Variants in CAMTA1 observed in about 807,000 individuals in gnomAD.
The protein encoded by CAMTA1 is calmodulin binding transcription activator 1, also known as calmodulin-binding transcription activator 1.
Under a neutral mutation model 170.9 loss-of-function variants are expected in CAMTA1, and 27 were observed. That is an observed-to-expected ratio of 0.16 (90% CI 0.12 to 0.22). The LOEUF is 0.22. Ranked by LOEUF, CAMTA1 falls within the 10% of genes least tolerant of loss-of-function variation. The probability of loss-of-function intolerance (pLI) is 1.00; values close to 1 mark genes in which losing one functional copy is unlikely to be tolerated. For synonymous variants in CAMTA1, 833 were observed against 891.5 expected (o/e 0.93, Z 1.17); for missense variants, 1,619 against 2,217.2 (o/e 0.73, Z 5.42).
chr1:6,993,973 T>A (rs1696788511), intron 3 of CAMTA1, among the ~76,000 whole-genome samples: 1 of 152,204 alleles, frequency 6.6e-6, no homozygotes, highest in Admixed American at 6.5e-5. Flanking sequence ...TGTTCATGCC[T>A]CTTTGCATGT....
intron 3 of CAMTA1, among the ~76,000 whole-genome samples, chr1:6,938,140 G>C (rs1685775595): frequency 6.6e-6 from 1 of 152,228 alleles, no homozygotes; most frequent in Non-Finnish European, 1.5e-5. Flanking sequence ...ATACAGTACT[G>C]TTAAGATTTT....
At chr1:6,962,001 C>G (rs922165141) in intron 3 of CAMTA1, among the ~76,000 whole-genome samples, 4 of 152,344 alleles carry the variant, frequency 2.6e-5, no homozygotes, top group Admixed American at 1.3e-4. Flanking sequence ...GTCCTTTGCC[C>G]TGTCGGGTCA....
At chr1:7,458,146 C>T (rs1321277014) in intron 5 of CAMTA1, among the ~76,000 whole-genome samples, 1 of 152,182 alleles carries the variant, frequency 6.6e-6, no homozygotes, top group Admixed American at 6.5e-5. Context: ...TCTTCAATCG[C>T]CTCCATCTCA....
chr1:7,356,124 T>C (rs1489304324), intron 5 of CAMTA1, among the ~76,000 whole-genome samples: 1 of 152,214 alleles, frequency 6.6e-6, no homozygotes, highest in Non-Finnish European at 1.5e-5. Flanking sequence ...GAGGGAGGCA[T>C]GGAAGCCCGA....
chr1:6,853,260 A>G (rs1166663843), intron 3 of CAMTA1: 1 of 152,234 alleles, frequency 6.6e-6, no homozygotes, highest in Non-Finnish European at 1.5e-5. Context: ...ATTTAAAAAT[A>G]TAGTAGTAGC....
At chr1:7,119,101 C>T (rs1644500717) in intron 4 of CAMTA1, among the ~76,000 whole-genome samples, 1 of 152,192 alleles carries the variant, frequency 6.6e-6, no homozygotes, top group Non-Finnish European at 1.5e-5. Context: ...ACAGAGCTCT[C>T]CAAGGACCCC....
At chr1:7,560,048 C>T (rs950579475) in intron 6 of CAMTA1, among the ~76,000 whole-genome samples, 1 of 152,188 alleles carries the variant, frequency 6.6e-6, no homozygotes, top group East Asian at 1.9e-4. Context: ...GACTCTGGGA[C>T]CCCAAGGCCC....
intron 6 of CAMTA1, among the ~76,000 whole-genome samples, chr1:7,624,333 G>T (rs114721413): frequency 1.1e-4 from 16 of 151,880 alleles, no homozygotes; most frequent in Non-Finnish European, 1.3e-4. Context: ...AGTGCCATCC[G>T]CCATGGTTCC....
At chr1:7,139,076 ATATT>A (rs1204438146) in intron 4 of CAMTA1, among the ~76,000 whole-genome samples, 5 of 144,264 alleles carry the variant, frequency 3.5e-5, no homozygotes, top group African/African-American at 7.5e-5. Flanking sequence ...TTGTTTATTT[ATATT>A]TATTTATTAT....
chr1:7,670,502 C>G (rs2096050060), intron 9 of CAMTA1, among the ~76,000 whole-genome samples: 2 of 152,230 alleles, frequency 1.3e-5, no homozygotes, highest in East Asian at 1.9e-4. Flanking sequence ...TTCCCTCAGT[C>G]TGTCCACAAG....
chr1:7,646,768 A>G (rs1180923355), intron 7 of CAMTA1, among the ~76,000 whole-genome samples: 1 of 142,874 alleles, frequency 7.0e-6, no homozygotes, highest in Non-Finnish European at 1.5e-5. Flanking sequence ...TGGAGGCCAC[A>G]GTGAGTTGGA....
At position 7,014,607 on chromosome 1, in the gene CAMTA1, G is replaced by A. The variant is rs1205821205; in HGVS notation, c.235-76697G>A. 1.3e-5 allele frequency among the ~76,000 whole-genome samples: 2 copies of A among 152,308 alleles called. No individual in the cohort carries two copies. The highest frequency in any genetic ancestry group is 2.9e-5 in the Non-Finnish European group (2 of 68,030). On this transcript the variant is annotated intron_variant, in intron 3 of 22. Coordinates refer to ENST00000303635, the MANE Select transcript of CAMTA1 (RefSeq NM_015215.4). This position sits in a 1 kb window ranked among gnomAD's most constrained non-coding sequence, Gnocchi z 4.2. Reference sequence around the variant, plus strand: ...TTCTGTTTTAAGGCAGCAAAACAGCGTGCGAGCTTGGTCCCTTAACACGGA... The same window carrying A: ...TTCTGTTTTAAGGCAGCAAAACAGCATGCGAGCTTGGTCCCTTAACACGGA...
intron 11 of CAMTA1, among the ~76,000 whole-genome samples, chr1:7,729,001 C>A (rs1208245987): frequency 6.6e-6 from 1 of 152,144 alleles, no homozygotes; most frequent in Non-Finnish European, 1.5e-5. Context: ...TGTGTCTGTC[C>A]ATCCATAGTT....
At chr1:7,428,293 G>C (rs845249) in intron 5 of CAMTA1, among the ~76,000 whole-genome samples, 79,751 of 151,870 alleles carry the variant, frequency 0.53, 21,648 homozygotes, top group Non-Finnish European at 0.61. Flanking sequence ...CTGTTCCATT[G>C]CCAGCACCTA....
chr1:7,721,579 G>A (rs1236453379), intron 11 of CAMTA1, among the ~76,000 whole-genome samples: 1 of 152,080 alleles, frequency 6.6e-6, no homozygotes, highest in African/African-American at 2.4e-5. Context: ...CTGGTCGTGA[G>A]CCAGGAATTT....
chr1:7,099,982 T>A (rs1489025666), intron 4 of CAMTA1, among the ~76,000 whole-genome samples: 1 of 152,220 alleles, frequency 6.6e-6, no homozygotes, highest in African/African-American at 2.4e-5. Context: ...AGGGGGTGGT[T>A]GCCTGTCTGC....
chr1:7,662,023 C>T (rs2095963335), intron 8 of CAMTA1, among the ~76,000 whole-genome samples, 157 bp downstream of exon 8: 1 of 152,236 alleles, frequency 6.6e-6, no homozygotes, highest in African/African-American at 2.4e-5. Context: ...CCAGCACAGA[C>T]ACAAGGCAGG....
chr1:6,929,457 G>T (rs1683985642), intron 3 of CAMTA1, among the ~76,000 whole-genome samples: 1 of 152,128 alleles, frequency 6.6e-6, no homozygotes. Flanking sequence ...CCGCCTCCTG[G>T]GTTCACGCCA....
intron 3 of CAMTA1, among the ~76,000 whole-genome samples, chr1:6,864,007 A>G (rs1665714762): frequency 6.6e-6 from 1 of 152,118 alleles, no homozygotes; most frequent in Non-Finnish European, 1.5e-5. Flanking sequence ...TTTTCTCGTG[A>G]TTAGACTTGG....
Sources: allele counts gnomAD v4.1 joint callset (sites outside exome capture counted in the v4.1 genomes callset), GRCh38; gene constraint gnomAD v4.1.1; non-coding constraint Gnocchi (gnomAD v3.1); transcripts MANE v1.5; gene names NCBI Gene and HGNC (gene_info 2026-07-23, HGNC 2026-07-21).